CFAP57: variants seen among roughly 807,000 people sequenced by gnomAD.
The protein encoded by CFAP57 is cilia- and flagella-associated protein 57.
CFAP57 carries 116 observed loss-of-function variants against 146.8 expected under a neutral mutation model. The observed-to-expected ratio is 0.79, with a 90% confidence interval of 0.68 to 0.92. The LOEUF is 0.92. Ranked by LOEUF, CFAP57 falls within the 40% of genes least tolerant of loss-of-function variation. The pLI, the probability that CFAP57 is intolerant of heterozygous loss-of-function variation, is 0.00. For synonymous variants in CFAP57, 518 were observed against 552.8 expected, an observed-to-expected ratio of 0.94 and a Z score of 0.88; for missense variants, 1,377 against 1,527.2, an observed-to-expected ratio of 0.90 and a Z score of 1.64.
In CFAP57 at chr1:43,234,343, T is replaced by C. The variant is rs137983611; in HGVS notation, c.3191T>C (p.Ile1064Thr). The C allele has an allele frequency of 1.0e-4, 157 of 1,550,370 alleles. No individual in the cohort carries two copies. The African/African-American group carries it at 2.1e-3, about 20-fold the overall frequency. Residue 1064 changes from isoleucine (I) to threonine (T), a missense_variant, in exon 20 of 23, where the codon ATT (isoleucine) becomes ACT (threonine). Transcript: ENST00000372492. ...GACCTCCACAACTGCGTAGCCTATATTCAGGAACCGCGGCTGCTGAAGGAG... is the reference window on the plus strand; with the variant it reads ...GACCTCCACAACTGCGTAGCCTATACTCAGGAACCGCGGCTGCTGAAGGAG... The part of the protein sequence containing the change: ...KTDLHNCVAY[I>T]QEPRLLKEKV...
Position 43,181,830 on chromosome 1 carries a change from C to T in CFAP57, c.454C>T (p.Gln152Ter). 1 of 1,614,196 alleles carries T rather than the reference C, an allele frequency of 6.2e-7. No individual in the cohort carries two copies. Among genetic ancestry groups the T allele is most frequent in the Non-Finnish European group, 8.5e-7 (1 of 1,180,046 alleles). Residue 152 changes from glutamine (Q) to a stop codon, truncating the protein, a stop_gained, in exon 3 of 23, where the codon CAG (glutamine) becomes TAG (stop). Coordinates refer to ENST00000372492, the MANE Select transcript of CFAP57 (RefSeq NM_001378189.1). LOFTEE classifies it high-confidence loss of function. ...KVMAIVRIDTQNNPVYQVSFS... is the reference protein window; with the variant it reads ...KVMAIVRIDT ...AATGGCCATTGTTAGAATCGACACT[C>T]AGAACAACCCTGTCTACCAGGTACC...
At chr1:43,239,450 G>T (rs72684054) in intron 21 of CFAP57, among the ~76,000 whole-genome samples, 7 of 152,182 alleles carry the variant, frequency 4.6e-5, no homozygotes, top group African/African-American at 7.2e-5. Context: ...GGCTGTAGAG[G>T]GTGGAGGGGG....
At position 43,184,898 on chromosome 1, in the gene CFAP57, C is replaced by T. The variant is rs1480414975; in HGVS notation, c.762-251C>T. ...ACTTCTTGGTTTGGCCCAAGCATAC[C>T]TGCGACTGTTTTCCTCTACAACTCT... On this transcript the variant is annotated intron_variant, in intron 4 of 22. Transcript: ENST00000372492. The T allele has an allele frequency of 6.4e-6, 3 of 468,376 alleles. No homozygotes were observed. The East Asian group carries it at 1.3e-4, about 20-fold the overall frequency. The allele number at this position is 468,376 out of a possible 1,614,324, so 29.0% of individuals were successfully genotyped here. A position where few individuals can be genotyped will look rare whatever the true frequency, so the allele number is the denominator to read the frequency against.
At chr1:43,190,996 G>A (rs141845110) in intron 6 of CFAP57, among the ~76,000 whole-genome samples, 1 of 152,258 alleles carries the variant, frequency 6.6e-6, no homozygotes, top group Non-Finnish European at 1.5e-5. Flanking sequence ...GTTGGGAAGT[G>A]TTCCAGCCTC....
At chr1:43,211,053 C>T (rs915632725) in intron 11 of CFAP57, among the ~76,000 whole-genome samples, 1 of 151,990 alleles carries the variant, frequency 6.6e-6, no homozygotes, top group Non-Finnish European at 1.5e-5. Context: ...TGACACAGCA[C>T]CTGAGGTTTT....
intron 19 of CFAP57, among the ~76,000 whole-genome samples, chr1:43,233,748 T>C (rs1645570468): frequency 6.6e-6 from 1 of 152,070 alleles, no homozygotes; most frequent in Admixed American, 6.5e-5. Context: ...GGAAGACAGG[T>C]AAAAGCATGA....
At position 43,187,625 on chromosome 1, in the gene CFAP57, C is replaced by T. The variant is rs530175797; in HGVS notation, c.1122+766C>T. ...CCTCAAAAAAAAAAAAAGCGCATAC[C>T]CTTTAGCTATTATTATTCCTCCATC... On this transcript the variant is annotated intron_variant, in intron 6 of 22. Transcript: ENST00000372492. 2.0e-5 allele frequency among the ~76,000 whole-genome samples: 3 copies of T among 151,596 alleles called. No homozygotes were observed. In the East Asian group the frequency reaches 5.8e-4, roughly 29 times the overall value.
chr1:43,212,422 G>A lies in CFAP57; in HGVS notation c.1929+2506G>A, dbSNP rs192543151. ...CTGAAAATGGCTTTTTTATTGATAC[G>A]TAGTATTTGTACATATTATGAAGTA... On this transcript the variant is annotated intron_variant, in intron 11 of 22. Transcript: ENST00000372492. 7.8e-4 allele frequency among the ~76,000 whole-genome samples: 118 copies of A among 152,150 alleles called. 4 individuals carry two copies. The South Asian group carries it at 0.016, about 21-fold the overall frequency.
At chr1:43,246,603 A>G (rs1203878578) in intron 22 of CFAP57, among the ~76,000 whole-genome samples, 3 of 152,254 alleles carry the variant, frequency 2.0e-5, no homozygotes, top group Non-Finnish European at 4.4e-5. Context: ...AAAGCTTCAT[A>G]ACATTGGATT....
intron 2 of CFAP57, 74 bp downstream of exon 2, chr1:43,172,984 A>C (rs1263480942): frequency 6.3e-6 from 9 of 1,418,050 alleles, no homozygotes; most frequent in African/African-American, 2.8e-5. Flanking sequence ...CAGCATGATG[A>C]TTGGAAAGAA....
chr1:43,232,563 T>C lies in CFAP57; in HGVS notation c.3065T>C (p.Ile1022Thr), dbSNP rs1645515251. Residue 1022 changes from isoleucine (I) to threonine (T), a missense_variant, in exon 19 of 23, where the codon ATC becomes ACC. Physicochemically the swap from Ile to Thr is moderately conservative, Grantham distance 89. Transcript: ENST00000372492. ...CAGAACACTCAACTGGAGCTGAACA[T>C]CACAGAATTGTGGCAGAAACTGAGA... ...HKQNTQLELN[I>T]TELWQKLRAT... 1 of 1,549,812 alleles carries C rather than the reference T, an allele frequency of 6.5e-7. No homozygotes were observed. Among genetic ancestry groups the C allele is most frequent in the Admixed American group, 2.0e-5 (1 of 50,982 alleles).
chr1:43,248,321 T>C (rs1477240613), intron 22 of CFAP57, among the ~76,000 whole-genome samples: 1 of 131,618 alleles, frequency 7.6e-6, no homozygotes, highest in Non-Finnish European at 1.6e-5. Flanking sequence ...AAAATTTTCT[T>C]TTTTTTTTTT....
intron 22 of CFAP57, among the ~76,000 whole-genome samples, chr1:43,244,721 T>C (rs2124669975): frequency 6.6e-6 from 1 of 151,750 alleles, no homozygotes; most frequent in Middle Eastern, 3.4e-3. Context: ...TGGCCAACAC[T>C]GTGAAACCCC....
chr1:43,218,143 AC>A (rs1301424021), intron 12 of CFAP57, among the ~76,000 whole-genome samples: 2 of 152,256 alleles, frequency 1.3e-5, no homozygotes, highest in African/African-American at 2.4e-5. Context: ...GAGGAGACAG[AC>A]CAGAAATGAT....
Position 43,206,854 on chromosome 1 carries a change from T to A in CFAP57, c.1677T>A (p.Cys559Ter). Residue 559 changes from cysteine to a stop codon, truncating the protein, a stop_gained, in exon 10 of 23, where the codon TGT becomes TGA. Transcript: ENST00000372492. LOFTEE classifies it high-confidence loss of function. The part of the protein sequence containing the change: ...ECVLKSCSYN[C>*]VTVSPDAKII... ...TGCTCAAGTCTTGCAGCTACAACTG[T>A]GTTACTGTCTCCCCCGATGCCAAAA... 1.2e-6 allele frequency: 2 copies of A among 1,614,182 alleles called. No homozygotes were observed. Among genetic ancestry groups the A allele is most frequent in the Non-Finnish European group, 1.7e-6 (2 of 1,180,028 alleles).
chr1:43,232,380 A>G, intron 18 of CFAP57, 128 bp from the exon 19 acceptor site: 3 of 720,722 alleles, frequency 4.2e-6, no homozygotes, highest in Non-Finnish European at 7.0e-6. Flanking sequence ...CAGAGGACAC[A>G]GAAGGGGATG....
chr1:43,175,028 T>C (rs1173810178), intron 2 of CFAP57, among the ~76,000 whole-genome samples: 2 of 152,192 alleles, frequency 1.3e-5, no homozygotes, highest in Non-Finnish European at 2.9e-5. Context: ...TGAAAATGAC[T>C]TTATTTTATC....
At chr1:43,253,627 G>C (rs540480029) in intron 22 of CFAP57, among the ~76,000 whole-genome samples, 52 of 152,210 alleles carry the variant, frequency 3.4e-4, no homozygotes, top group African/African-American at 1.1e-3. Context: ...CAGTTCAGAA[G>C]CCAACATAGG....
intron 22 of CFAP57, among the ~76,000 whole-genome samples, chr1:43,243,941 A>T (rs2124666734): frequency 6.6e-6 from 1 of 152,346 alleles, no homozygotes; most frequent in East Asian, 1.9e-4. Context: ...GCAAAAAGAG[A>T]AACAAAGAAA....
Sources: gnomAD v4.1 joint callset for allele counts (sites outside exome capture counted in the v4.1 genomes callset) on GRCh38, gnomAD v4.1.1 for gene constraint, MANE v1.5 for transcripts, NCBI Gene and HGNC (gene_info 2026-07-23, HGNC 2026-07-21) for gene names.